Variants in TNN observed in about 807,000 individuals in gnomAD.
TNN encodes tenascin N, also known as tenascin-N.
Under a neutral mutation model 134.4 loss-of-function variants are expected in TNN, and 122 were observed. The ratio of observed to expected loss-of-function variants is 0.91; its 90% confidence interval spans 0.78 to 1.06. The LOEUF (loss-of-function observed/expected upper bound fraction) is 1.06, where lower values mean the gene tolerates loss of function less well. Among genes scored for constraint, TNN ranks in the 50% least tolerant of loss-of-function variants. TNN has a pLI of 0.00. For synonymous variants in TNN, 710 were observed against 670.3 expected (o/e 1.06, Z -0.91); for missense variants, 1,739 against 1,699.4 (o/e 1.02, Z -0.41).
rs751731616 is a variant in TNN at position 175,128,135 on chromosome 1, G to A, written c.3149G>A (p.Ser1050Asn). Residue 1050 changes from serine to asparagine, a missense_variant, in exon 14 of 19, where the codon AGC becomes AAC. Coordinates refer to ENST00000239462, the MANE Select transcript of TNN (RefSeq NM_022093.2). The part of the protein sequence containing the change: ...SLVAFKGGRR[S>N]RNVSTTLSTV... Reference sequence around the variant, plus strand: ...GTTGCCTTTAAGGGTGGTCGCCGGAGCAGAAATGTATCCACCACCCTCTCC... The same window carrying A: ...GTTGCCTTTAAGGGTGGTCGCCGGAACAGAAATGTATCCACCACCCTCTCC... 6.8e-6 allele frequency: 11 copies of A among 1,611,176 alleles called. No individual in the cohort carries two copies. In the South Asian group the frequency reaches 7.7e-5, roughly 11 times the overall value.
Position 175,118,713 on chromosome 1 carries a change from C to T in TNN, c.2539C>T (p.Gln847Ter), listed in dbSNP as rs776977880. The change falls in exon 11 of 19, where the codon CAG becomes TAG. Residue 847 changes from glutamine to a stop codon, truncating the protein, a stop_gained. Transcript: ENST00000239462. LOFTEE classifies it high-confidence loss of function. ...CAGGGAGGTTCCAGTGGGGAAGGAG[C>T]AGAGCAGCACTGTCCTGACGGGCCT... ...ETREVPVGKE[Q>*]SSTVLTGLRP... The T allele has an allele frequency of 3.1e-6, 5 of 1,614,092 alleles. No homozygotes were observed. The African/African-American group carries it at 5.3e-5, about 17-fold the overall frequency.
intron 12 of TNN, among the ~76,000 whole-genome samples, chr1:175,124,559 T>C (rs1218140635): frequency 6.6e-6 from 1 of 152,156 alleles, no homozygotes; most frequent in African/African-American, 2.4e-5. Flanking sequence ...CAGGTGCCTG[T>C]AATCCCAGCT....
intron 6 of TNN, among the ~76,000 whole-genome samples, chr1:175,088,768 A>G (rs2149430116): frequency 6.6e-6 from 1 of 152,352 alleles, no homozygotes; most frequent in South Asian, 2.1e-4. Flanking sequence ...GGCCAAAGAG[A>G]CCTGGTCCCT....
Position 175,116,986 on chromosome 1 carries a change from A to T in TNN, c.2167A>T (p.Met723Leu), listed in dbSNP as rs1001653327. The T allele has an allele frequency of 4.3e-6, 7 of 1,614,066 alleles. No homozygotes were observed. The highest frequency in any genetic ancestry group is 2.7e-5 in the African/African-American group (2 of 74,914). ...GGTGACCGACCGGGTGACAGAGAAT[A>T]TGGCCACTGTCTCCTGGGACCCGGT... ...NLVTDRVTEN[M>L]ATVSWDPVRA... The change falls in exon 10 of 19, where the codon ATG becomes TTG. Residue 723 changes from methionine (M) to leucine (L), a missense_variant. Met to Leu is a conservative substitution (Grantham distance 15, BLOSUM62 2). Transcript: ENST00000239462.
intron 7 of TNN, 98 bp downstream of exon 7, chr1:175,094,351 T>C: frequency 1.5e-6 from 2 of 1,291,718 alleles, no homozygotes; most frequent in Non-Finnish European, 2.0e-6. Flanking sequence ...TCAGCTCTTT[T>C]GTTTGCAGGA....
At chr1:175,073,489 C>T (rs1177104841) in intron 1 of TNN, among the ~76,000 whole-genome samples, 1 of 152,176 alleles carries the variant, frequency 6.6e-6, no homozygotes, top group African/African-American at 2.4e-5. Flanking sequence ...AAGAGAATTG[C>T]TTTTGTGAAA....
At chr1:175,098,682 G>A (rs1291565168) in intron 9 of TNN, 87 bp downstream of exon 9, 2 of 1,568,614 alleles carry the variant, frequency 1.3e-6, no homozygotes, top group Non-Finnish European at 1.7e-6. Flanking sequence ...GCATAAAGGG[G>A]GACTTTATGG....
intron 6 of TNN, 85 bp downstream of exon 6, chr1:175,085,579 A>T: frequency 2.0e-6 from 2 of 985,258 alleles, no homozygotes; most frequent in Non-Finnish European, 3.2e-6. Flanking sequence ...CTGGATAAGA[A>T]TTCTGGGATT....
At chr1:175,080,562 GA>G in intron 4 of TNN, 136 bp downstream of exon 4, 2 of 1,104,580 alleles carry the variant, frequency 1.8e-6, no homozygotes, top group Non-Finnish European at 2.6e-6. Flanking sequence ...AGGTTCTGAA[GA>G]GTCCCAGTTC....
chr1:175,100,899 T>C (rs942563658), intron 9 of TNN, among the ~76,000 whole-genome samples: 8 of 152,238 alleles, frequency 5.3e-5, no homozygotes, highest in African/African-American at 1.7e-4. Flanking sequence ...ATAATATACA[T>C]ATTTATAGGT....
intron 11 of TNN, among the ~76,000 whole-genome samples, chr1:175,121,910 A>G (rs936073886): frequency 1.3e-5 from 2 of 152,362 alleles, no homozygotes; most frequent in Middle Eastern, 3.4e-3. Context: ...TGAGTGATTC[A>G]TTTATTGATT....
chr1:175,083,581 T>C (rs1470053280), intron 4 of TNN, among the ~76,000 whole-genome samples, 169 bp from the exon 5 acceptor site: 2 of 152,236 alleles, frequency 1.3e-5, no homozygotes, highest in Non-Finnish European at 2.9e-5. Flanking sequence ...AGCAGCTTAG[T>C]TGCTACTTTG....
chr1:175,087,874 T>C (rs1674354714), intron 6 of TNN, among the ~76,000 whole-genome samples: 1 of 152,210 alleles, frequency 6.6e-6, no homozygotes, highest in African/African-American at 2.4e-5. Context: ...TTCCATTAAT[T>C]TGCTAGAGCA....
chr1:175,125,963 TTCTCTCTCTCTC>T (rs151299690), intron 12 of TNN, among the ~76,000 whole-genome samples: 1 of 140,422 alleles, frequency 7.1e-6, no homozygotes, highest in African/African-American at 2.6e-5. Context: ...CTTTCTTTCC[TTCTCTCTCTCTC>T]TCTCTCTCCT....
At chr1:175,109,176 C>A (rs932651507) in intron 9 of TNN, among the ~76,000 whole-genome samples, 1 of 141,004 alleles carries the variant, frequency 7.1e-6, no homozygotes, top group Non-Finnish European at 1.5e-5. Context: ...GCAAGCTCCG[C>A]TTCCCGGGTT....
At chr1:175,097,300 T>C (rs1277068015) in intron 7 of TNN, 117 bp from the exon 8 acceptor site, 3 of 1,315,296 alleles carry the variant, frequency 2.3e-6, no homozygotes, top group African/African-American at 1.5e-5. Context: ...AACTCAATCA[T>C]TGACATATTA....
chr1:175,101,191 G>A (rs1674712787), intron 9 of TNN, among the ~76,000 whole-genome samples: 3 of 152,088 alleles, frequency 2.0e-5, no homozygotes, highest in Admixed American at 2.0e-4. Context: ...CCCTTGTGAT[G>A]TTCAGATGTG....
rs540789475 is a variant in TNN, at chr1:175,101,741, G to A, written c.2119+3146G>A. ...GTCGATTGGTGCACTCACAAACCTTGAGCTAAACACAGGGTGCTGATTGGG... is the reference window on the plus strand; with the variant it reads ...GTCGATTGGTGCACTCACAAACCTTAAGCTAAACACAGGGTGCTGATTGGG... On this transcript the variant is annotated intron_variant, in intron 9 of 18. Coordinates refer to ENST00000239462, the MANE Select transcript of TNN (RefSeq NM_022093.2). Among the ~76,000 whole-genome samples the A allele has an allele frequency of 2.4e-4, 35 of 148,802 alleles. No individual in the cohort carries two copies. In the East Asian group the frequency reaches 7.4e-3, roughly 31 times the overall value.
At chr1:175,125,043 A>G (rs1675473022) in intron 12 of TNN, among the ~76,000 whole-genome samples, 1 of 152,236 alleles carries the variant, frequency 6.6e-6, no homozygotes, top group Admixed American at 6.5e-5. Flanking sequence ...AGATGTTAAA[A>G]TAGCCACAGT....
Sources: gnomAD v4.1 joint callset for allele counts (sites outside exome capture counted in the v4.1 genomes callset) on GRCh38, gnomAD v4.1.1 for gene constraint, MANE v1.5 for transcripts, NCBI Gene and HGNC (gene_info 2026-07-23, HGNC 2026-07-21) for gene names.